Variants in SRCAP observed in about 807,000 individuals in gnomAD.
SRCAP encodes the protein Snf2 related CREBBP activator protein, also known as chromatin remodeling protein SRCAP.
A neutral mutation model predicts 263.1 loss-of-function variants in SRCAP; 46 were observed. That is an observed-to-expected ratio of 0.17 (90% confidence interval 0.14 to 0.22). The LOEUF is 0.22. Ranked by LOEUF, SRCAP falls within the 10% of genes least tolerant of loss-of-function variation. The pLI is 1.00. For synonymous variants in SRCAP, 1,813 were observed against 1,662.1 expected (o/e 1.09, Z -2.21); for missense variants, 3,695 against 4,181.9 (o/e 0.88, Z 3.21).
intron 16 of SRCAP, among the ~76,000 whole-genome samples, chr16:30,714,014 C>T (rs2052918985): frequency 6.6e-6 from 1 of 150,716 alleles, no homozygotes; most frequent in African/African-American, 2.4e-5. Context: ...TCTCCTGCCT[C>T]AGCCTCCCGA....
rs779568633 is a variant in SRCAP at position 30,709,659 on chromosome 16, A to G, written c.780A>G (p.Ala260=). 1.1e-5 allele frequency: 18 copies of G among 1,614,080 alleles called. No homozygotes were observed. The highest frequency in any genetic ancestry group is 1.5e-5 in the Non-Finnish European group (18 of 1,180,050). ...ACCAGCCATTAACCTCCAGCAAAGC[A>G]GGCTCTTCCCCTTGCCTCGGCTCTT... ...SLNQPLTSSK[A]GSSPCLGSSS... is the part of the protein sequence containing the mutation. The change falls in exon 7 of 34, where the codon GCA becomes GCG. Residue 260 remains alanine, a synonymous_variant. Transcript: ENST00000262518.
intron 12 of SRCAP, 43 bp downstream of exon 12, chr16:30,712,200 T>C: frequency 6.2e-7 from 1 of 1,603,042 alleles, no homozygotes. Context: ...GTCTTGACTT[T>C]CTCATGTCCC....
chr16:30,700,830 G>A lies in SRCAP; in HGVS notation c.6G>A (p.Gln2=). The stretch of plus-strand genomic sequence containing the variant: ...GGGAGCCTGGGAGTGGGACCATGCA[G>A]AGCAGCCCCTCCCCTGCTCACCCTC... The part of the protein sequence containing the change: M[Q]SSPSPAHPQL... The change falls in exon 3 of 34, where the codon CAG becomes CAA. Residue 2 remains glutamine (Q), a synonymous_variant. Coordinates refer to ENST00000262518, the MANE Select transcript of SRCAP (RefSeq NM_006662.3). 6.2e-7 allele frequency: 1 copy of A among 1,614,124 alleles called. No individual in the cohort carries two copies.
At position 30,724,257 on chromosome 16, in the gene SRCAP, C is replaced by G. The variant is rs1172263279; in HGVS notation, c.4833C>G (p.Val1611=). 1 of 1,613,890 alleles carries G rather than the reference C, an allele frequency of 6.2e-7. No individual in the cohort carries two copies. The highest frequency in any genetic ancestry group is 8.5e-7 in the Non-Finnish European group (1 of 1,179,992). Reference sequence around the variant, plus strand: ...CTCCTCCTCTGGCTCCTCTTCCGGTCCTGGCACCATCGCCAGGTGCTGCTC... The same window carrying G: ...CTCCTCCTCTGGCTCCTCTTCCGGTGCTGGCACCATCGCCAGGTGCTGCTC... ...SPAPPLAPLP[V]LAPSPGAAPV... The change falls in exon 25 of 34, where the codon GTC becomes GTG. Residue 1611 remains valine (V), a synonymous_variant. Coordinates refer to ENST00000262518, the MANE Select transcript of SRCAP (RefSeq NM_006662.3).
At position 30,729,246 on chromosome 16, in the gene SRCAP, G is replaced by A. The variant is rs775672115; in HGVS notation, c.5924+15G>A. On this transcript the variant is annotated intron_variant, in intron 26 of 33. Coordinates refer to ENST00000262518, the MANE Select transcript of SRCAP (RefSeq NM_006662.3). ...ATCATTGAGAGGTTGGCAGGGCTAA[G>A]TGCTAATGGGGAGTGGGTCTTGGGG... is the stretch of plus-strand genomic sequence containing the variant. 1 of 1,601,262 alleles carries A rather than the reference G, an allele frequency of 6.2e-7. No homozygotes were observed. Among genetic ancestry groups the A allele is most frequent in the Admixed American group, 1.7e-5 (1 of 59,374 alleles).
rs146141702 is a variant in SRCAP at position 30,724,104 on chromosome 16, G to A, written c.4680G>A (p.Pro1560=). The change falls in exon 25 of 34, where the codon CCG becomes CCA. Residue 1560 remains proline, a synonymous_variant. Transcript: ENST00000262518. ...VPASALASPF[P]SAPNPAPAQA... ...CTTCGGCTCTGGCCAGTCCTTTTCC[G>A]TCAGCACCAAATCCAGCTCCAGCTC... 129 of 1,613,448 alleles carry A rather than the reference G, an allele frequency of 8.0e-5. No individual in the cohort carries two copies. Among genetic ancestry groups the A allele is most frequent in the Non-Finnish European group, 1.0e-4 (119 of 1,180,036 alleles).
At position 30,729,145 on chromosome 16, in the gene SRCAP, C is replaced by T. The variant is rs1276291921; in HGVS notation, c.5838C>T (p.Pro1946=). Residue 1946 remains proline (P), a synonymous_variant, in exon 26 of 34, where the codon CCC becomes CCT. Transcript: ENST00000262518. The part of the protein sequence containing the change: ...IGPRSPGPSH[P]TFWTYTEAAH... Reference sequence around the variant, plus strand: ...CTCGTTCTCCTGGCCCCAGCCACCCCACCTTTTGGACTTATACCGAGGCTG... The same window carrying T: ...CTCGTTCTCCTGGCCCCAGCCACCCTACCTTTTGGACTTATACCGAGGCTG... The T allele has an allele frequency of 8.1e-6, 13 of 1,614,090 alleles. No individual in the cohort carries two copies. The highest frequency in any genetic ancestry group is 1.1e-5 in the Non-Finnish European group (13 of 1,180,052).
rs747382023 is a variant in SRCAP at position 30,739,452 on chromosome 16, C to T, written c.9412C>T (p.Arg3138Cys). 8.1e-6 allele frequency: 13 copies of T among 1,614,188 alleles called. No homozygotes were observed. Among genetic ancestry groups the T allele is most frequent in the Admixed American group, 1.7e-5 (1 of 60,034 alleles). ...VPPLETEKLPRKRAGAPVGGS... is the reference protein window; with the variant it reads ...VPPLETEKLPCKRAGAPVGGS... ...CCCACTAGAGACTGAGAAGTTGCCT[C>T]GCAAACGAGCAGGGGCCCCAGTTGG... The change falls in exon 34 of 34, where the codon CGC becomes TGC. Residue 3138 changes from arginine (R) to cysteine (C), a missense_variant. Physicochemically the swap from Arg to Cys is radical, Grantham distance 180. This residue lies in a region of SRCAP where 1,207 missense variants were observed against 1,142.9 expected (regional missense o/e 1.06). Coordinates refer to ENST00000262518, the MANE Select transcript of SRCAP (RefSeq NM_006662.3).
At chr16:30,721,909 A>G (rs538221849) in intron 21 of SRCAP, among the ~76,000 whole-genome samples, 2 of 152,302 alleles carry the variant, frequency 1.3e-5, no homozygotes, top group Admixed American at 6.5e-5. Context: ...GAGGATATAA[A>G]AGAGATTGCT....
chr16:30,739,552 A>G lies in SRCAP; in HGVS notation c.9512A>G (p.Glu3171Gly). ...CTGGGGCCTGAGGGTTCAGTAGAGG[A>G]GTCTGAGGCTGAAGCCTCAGGTGAG... is the stretch of plus-strand genomic sequence containing the variant. ...SPLGPEGSVE[E>G]SEAEASGEEE... Residue 3171 changes from glutamate to glycine, a missense_variant, in exon 34 of 34, where the codon GAG becomes GGG. Glu to Gly is a moderately conservative substitution (Grantham distance 98). Coordinates refer to ENST00000262518, the MANE Select transcript of SRCAP (RefSeq NM_006662.3). The G allele has an allele frequency of 6.2e-7, 1 of 1,609,962 alleles. No individual in the cohort carries two copies. Among genetic ancestry groups the G allele is most frequent in the Non-Finnish European group, 8.5e-7 (1 of 1,178,210 alleles).
Position 30,729,460 on chromosome 16 carries a change from C to T in SRCAP, c.6015C>T (p.Ala2005=). ...CTTGGCTGGCCCCACGTCAGGCAGC[C>T]TTCCAGGAGCAATTGGCCTCTGAGC... ...PPPWLAPRQA[A]FQEQLASELW... The change falls in exon 27 of 34, where the codon GCC becomes GCT. Residue 2005 remains alanine, a synonymous_variant. Transcript: ENST00000262518. 1.9e-6 allele frequency: 3 copies of T among 1,614,220 alleles called. No individual in the cohort carries two copies. The highest frequency in any genetic ancestry group is 2.5e-6 in the Non-Finnish European group (3 of 1,180,042).
In SRCAP at chr16:30,740,578, CGTG is replaced by C. The variant is rs2053214481; in HGVS notation, c.*850_*852del. 1 of 152,222 alleles carries C rather than the reference CGTG, an allele frequency of 6.6e-6. No individual in the cohort carries two copies. Among genetic ancestry groups the C allele is most frequent in the Admixed American group, 6.5e-5 (1 of 15,270 alleles). 9.4% of individuals were successfully genotyped at this position (152,222 alleles called of 1,614,324 possible). ...CCTTCCCAGCTCCCTGGGCTCTTCA[CGTG>C]GTGGCTGGCCACTCAACCCCACCCC... On this transcript the variant is annotated 3_prime_UTR_variant, in exon 34 of 34. Coordinates refer to ENST00000262518, the MANE Select transcript of SRCAP (RefSeq NM_006662.3).
rs745578919 is a variant in SRCAP at position 30,713,500 on chromosome 16, T to A, written c.2301-19T>A. On this transcript the variant is annotated intron_variant, in intron 15 of 33. Coordinates refer to ENST00000262518, the MANE Select transcript of SRCAP (RefSeq NM_006662.3). ...GCTTGCTGACCATACTCTCTCTGAT[T>A]CTCTCTGTCTCTTTGCAGCCAGAGA... The A allele has an allele frequency of 4.3e-6, 7 of 1,613,658 alleles. No individual in the cohort carries two copies. The highest frequency in any genetic ancestry group is 2.2e-5 in the East Asian group (1 of 44,876).
chr16:30,709,374 A>G, intron 6 of SRCAP, 139 bp from the exon 7 acceptor site: 2 of 790,922 alleles, frequency 2.5e-6, no homozygotes, highest in South Asian at 3.4e-5. Context: ...GACCATAGTG[A>G]GCCCCTAAGG....
chr16:30,710,426 T>C, intron 8 of SRCAP: 1 of 670,514 alleles, frequency 1.5e-6, no homozygotes, highest in South Asian at 1.6e-5. Context: ...CATGCCCTAA[T>C]GTTCCCTTAT....
At position 30,733,532 on chromosome 16, in the gene SRCAP, C is replaced by A; in HGVS notation, c.6298-70C>A. On this transcript the variant is annotated intron_variant, in intron 28 of 33. Transcript: ENST00000262518. The surrounding 1 kb of genome is among the most constrained non-coding windows in gnomAD (Gnocchi z 5.3). ...AGGATTTGGGCTTCCAGACGGGGTG[C>A]CACTAAGCCTTTAGACCTGTTTTGG... 6.2e-7 allele frequency: 1 copy of A among 1,603,822 alleles called. No individual in the cohort carries two copies. The highest frequency in any genetic ancestry group is 8.5e-7 in the Non-Finnish European group (1 of 1,173,678).
rs771334638 is a variant in SRCAP, at chr16:30,711,953, G to C, written c.1611G>C (p.Gln537His). The C allele has an allele frequency of 2.2e-5, 36 of 1,613,902 alleles. No homozygotes were observed. The highest frequency in any genetic ancestry group is 1.7e-5 in the Non-Finnish European group (20 of 1,180,006). The change falls in exon 12 of 34, where the codon CAG becomes CAC. Residue 537 changes from glutamine (Q) to histidine (H), a missense_variant. Gln to His is a conservative substitution (Grantham distance 24). Around this residue, in one of 12 missense-constraint regions of SRCAP, gnomAD observed 288 missense variants for 302.4 expected, o/e 0.95. Transcript: ENST00000262518. ...AAGAGTCTGAGGATGCCCAATCACA[G>C]AGCCAAGCAGATGAAGAGGAGGAAG... Reference protein sequence around the residue: ...ESEESEDAQSQSQADEEEEDD... With the variant: ...ESEESEDAQSHSQADEEEEDD...
chr16:30,723,480 G>T, intron 24 of SRCAP, 104 bp from the exon 25 acceptor site: 1 of 1,509,762 alleles, frequency 6.6e-7, no homozygotes, highest in Non-Finnish European at 8.8e-7. Context: ...GGGAGTGAAT[G>T]CCTTCTGGGA....
chr16:30,710,182 T>A (rs1377012937), intron 8 of SRCAP, 54 bp downstream of exon 8: 1 of 1,564,902 alleles, frequency 6.4e-7, no homozygotes, highest in Non-Finnish European at 8.7e-7. Context: ...AGGGAGAGGT[T>A]CAGGGTCTGA....
Sources: gnomAD v4.1 joint callset for allele counts (sites outside exome capture counted in the v4.1 genomes callset) on GRCh38, gnomAD v4.1.1 for gene constraint, gnomAD v4.1.1 regional missense constraint, Gnocchi (gnomAD v3.1) non-coding constraint, MANE v1.5 for transcripts, NCBI Gene and HGNC (gene_info 2026-07-23, HGNC 2026-07-21) for gene names.